Variants in MS4A3 observed in about 807,000 individuals in gnomAD.
MS4A3 encodes membrane-spanning 4-domains subfamily A member 3.
MS4A3 carries 18 observed loss-of-function variants against 24.7 expected under a neutral mutation model. The ratio of observed to expected loss-of-function variants is 0.73; its 90% CI spans 0.50 to 1.08. MS4A3 has a LOEUF of 1.08. Among genes scored for constraint, MS4A3 ranks in the 50% least tolerant of loss-of-function variants. The pLI, the probability that MS4A3 is intolerant of heterozygous loss-of-function variation, is 0.00. For missense variants in MS4A3, 282 were observed against 251.7 expected, an observed-to-expected ratio of 1.12 and a Z score of -0.82; for synonymous variants, 84 against 95.3, an observed-to-expected ratio of 0.88 and a Z score of 0.69.
Position 60,067,044 on chromosome 11 carries a change from T to G in MS4A3, c.445T>G (p.Ser149Ala). 3.7e-6 allele frequency: 6 copies of G among 1,613,410 alleles called. No individual in the cohort carries two copies. The highest frequency in any genetic ancestry group is 4.2e-6 in the Non-Finnish European group (5 of 1,179,702). ...ACTAAATATAGCAGTTAATATCCAGTCATTAAGGAGTTGTCACTCTTCATC... is the reference window on the plus strand; with the variant it reads ...ACTAAATATAGCAGTTAATATCCAGGCATTAAGGAGTTGTCACTCTTCATC... Reference protein sequence around the residue: ...LSLNIAVNIQSLRSCHSSSES... With the variant: ...LSLNIAVNIQALRSCHSSSES... Residue 149 changes from serine (S) to alanine (A), a missense_variant, in exon 5 of 7, where the codon TCA (serine) becomes GCA (alanine). Coordinates refer to ENST00000278865, the MANE Select transcript of MS4A3 (RefSeq NM_006138.5).
chr11:60,066,148 C>T (rs1357965657), intron 4 of MS4A3, among the ~76,000 whole-genome samples: 1 of 152,200 alleles, frequency 6.6e-6, no homozygotes, highest in Non-Finnish European at 1.5e-5. Context: ...TATTTATCAG[C>T]AAATAATGTT....
At chr11:60,067,791 T>C (rs918688598) in intron 5 of MS4A3, among the ~76,000 whole-genome samples, 1 of 151,810 alleles carries the variant, frequency 6.6e-6, no homozygotes, top group South Asian at 2.1e-4. Flanking sequence ...CTCACGCCTG[T>C]AATCCCAGAA....
At chr11:60,060,283 A>G (rs1015953092) in intron 1 of MS4A3, among the ~76,000 whole-genome samples, 3 of 152,156 alleles carry the variant, frequency 2.0e-5, no homozygotes, top group Admixed American at 6.5e-5. Flanking sequence ...AATTATTCCC[A>G]TTTTTACAGA....
intron 5 of MS4A3, among the ~76,000 whole-genome samples, chr11:60,067,531 G>C (rs1458188305): frequency 6.6e-6 from 1 of 151,774 alleles, no homozygotes; most frequent in Non-Finnish European, 1.5e-5. Flanking sequence ...TTGAATCTTG[G>C]GTCTGTCGCC....
rs780015751 is a variant in MS4A3 at position 60,061,173 on chromosome 11, G to A, written c.13G>A (p.Glu5Lys). Residue 5 changes from glutamate (E) to lysine (K), a missense_variant, in exon 2 of 7, where the codon GAA (glutamate) becomes AAA (lysine). Transcript: ENST00000278865. MASH[E>K]VDNAELGSAS... is the part of the protein sequence containing the mutation. ...ATAAACAACCCCAATGGCCTCCCAC[G>A]AAGTTGATAATGCAGAGCTGGGGTC... is the stretch of plus-strand genomic sequence containing the variant. The A allele has an allele frequency of 2.5e-6, 4 of 1,586,538 alleles. No homozygotes were observed. The highest frequency in any genetic ancestry group is 2.3e-5 in the South Asian group (2 of 86,686).
At chr11:60,068,812 T>C (rs1426109318) in intron 5 of MS4A3, among the ~76,000 whole-genome samples, 1 of 152,156 alleles carries the variant, frequency 6.6e-6, no homozygotes, top group Non-Finnish European at 1.5e-5. Flanking sequence ...TATTAACATG[T>C]CATTTACATT....
At chr11:60,057,181 G>A (rs1855183929) in intron 1 of MS4A3, among the ~76,000 whole-genome samples, 1 of 152,184 alleles carries the variant, frequency 6.6e-6, no homozygotes, top group South Asian at 2.1e-4. Context: ...TGCTGGCTGT[G>A]TGGGCTTGGG....
At chr11:60,064,586 A>T (rs900744030) in intron 4 of MS4A3, among the ~76,000 whole-genome samples, 1 of 152,164 alleles carries the variant, frequency 6.6e-6, no homozygotes, top group Non-Finnish European at 1.5e-5. Flanking sequence ...AGTTTGACCA[A>T]TTCTAATTAT....
rs558019137 is a variant in MS4A3 at position 60,068,048 on chromosome 11, C to G, written c.513+936C>G. 6.1e-4 allele frequency among the ~76,000 whole-genome samples: 93 copies of G among 151,672 alleles called. 3 individuals are homozygous for G. In the South Asian group the frequency reaches 0.019, roughly 30 times the overall value. ...GCCTGGGCAAAAAGAGTGAAACTGT[C>G]TCAAAAAATAAAAAAATAAAAAAAT... On this transcript the variant is annotated intron_variant, in intron 5 of 6. Transcript: ENST00000278865.
intron 3 of MS4A3, among the ~76,000 whole-genome samples, chr11:60,063,128 C>T (rs1345367094): frequency 6.6e-6 from 1 of 152,158 alleles, no homozygotes. Flanking sequence ...AGAGAAACCA[C>T]ATTTGCCAAG....
chr11:60,064,806 T>C (rs1435866294), intron 4 of MS4A3, among the ~76,000 whole-genome samples: 1 of 152,184 alleles, frequency 6.6e-6, no homozygotes, highest in Admixed American at 6.5e-5. Context: ...CCCACTTCTG[T>C]CATCCTTACT....
chr11:60,057,549 C>T (rs776274242), intron 1 of MS4A3, among the ~76,000 whole-genome samples: 18 of 152,070 alleles, frequency 1.2e-4, no homozygotes, highest in Admixed American at 2.6e-4. Flanking sequence ...GGATTACAGG[C>T]GCGTGCTGTC....
At chr11:60,067,188 G>T in intron 5 of MS4A3, 76 bp downstream of exon 5, 3 of 1,070,164 alleles carry the variant, frequency 2.8e-6, no homozygotes, top group East Asian at 2.9e-5. Flanking sequence ...AATATATCAG[G>T]TACCAATGTG....
At chr11:60,063,999 C>A (rs191769578) in intron 3 of MS4A3, among the ~76,000 whole-genome samples, 1 of 151,526 alleles carries the variant, frequency 6.6e-6, no homozygotes, top group Non-Finnish European at 1.5e-5. Flanking sequence ...ACCACCTGTT[C>A]CCCAATAACG....
Position 60,056,743 on chromosome 11 carries a change from A to G in MS4A3, c.-16+3A>G, listed in dbSNP as rs771228152. On this transcript the variant is annotated splice_donor_region_variant and intron_variant, in intron 1 of 6. Coordinates refer to ENST00000278865, the MANE Select transcript of MS4A3 (RefSeq NM_006138.5). ...TGCCAAAGCCTGAAGCCTCCAAGGT[A>G]TAGATTCCCTCTCCATAGACATTCC... The G allele has an allele frequency of 8.5e-5, 13 of 152,192 alleles. No homozygotes were observed. The highest frequency in any genetic ancestry group is 2.0e-4 in the Admixed American group (3 of 15,272). The allele number at this position is 152,192 out of a possible 1,614,324, so 9.4% of individuals were successfully genotyped here.
At position 60,061,251 on chromosome 11, in the gene MS4A3, A is replaced by G. The variant is rs767677462; in HGVS notation, c.91A>G (p.Thr31Ala). 9.3e-6 allele frequency: 15 copies of G among 1,613,900 alleles called. No homozygotes were observed. The African/African-American group carries it at 1.7e-4, about 19-fold the overall frequency. The change falls in exon 2 of 7, where the codon ACT (threonine) becomes GCT (alanine). Residue 31 changes from threonine (T) to alanine (A), a missense_variant. By Grantham distance (58) the Thr-to-Ala change is moderately conservative. Transcript: ENST00000278865. Reference protein sequence around the residue: ...GSEAGPEELNTSVYQPIDGSP... With the variant: ...GSEAGPEELNASVYQPIDGSP... ...TGAGGCGGGACCAGAAGAGCTGAAT[A>G]CTTCTGTCTACCAGCCCATAGATGG...
Position 60,056,675 on chromosome 11 carries a change from T to G in MS4A3, c.-81T>G, listed in dbSNP as rs1855174233. Reference sequence around the variant, plus strand: ...AGATGCTGTAGTGATCTTTTCTGAGTGTCTCCTACTTGCGACAAGGTGGAC... The same window carrying G: ...AGATGCTGTAGTGATCTTTTCTGAGGGTCTCCTACTTGCGACAAGGTGGAC... On this transcript the variant is annotated 5_prime_UTR_variant, in exon 1 of 7. Transcript: ENST00000278865. 1 of 152,234 alleles carries G rather than the reference T, an allele frequency of 6.6e-6. No homozygotes were observed. Among genetic ancestry groups the G allele is most frequent in the South Asian group, 2.1e-4 (1 of 4,830 alleles). 9.4% of individuals were successfully genotyped at this position (152,234 alleles called of 1,614,324 possible).
Position 60,067,111 on chromosome 11 carries a change from AT to A in MS4A3, c.513del (p.Asn171LysfsTer8), listed in dbSNP as rs1379419556. ...TGCAATTACATGGGCTCCATATCAA[AT>A]GTATGTTTCTGAAAAATATGTATAA... ...DLCNYMGSIS[N>X]GMVSLLLILT... On this transcript the variant is annotated frameshift_variant and splice_region_variant, in exon 5 of 7. Transcript: ENST00000278865. LOFTEE classifies it high-confidence loss of function. 3.8e-6 allele frequency: 6 copies of A among 1,599,544 alleles called. No homozygotes were observed. The highest frequency in any genetic ancestry group is 3.4e-6 in the Non-Finnish European group (4 of 1,175,604).
chr11:60,069,457 G>T (rs926361061), intron 5 of MS4A3, 117 bp from the exon 6 acceptor site: 2 of 680,540 alleles, frequency 2.9e-6, no homozygotes, highest in Non-Finnish European at 5.3e-6. Flanking sequence ...TTAATTTATG[G>T]TTCACTTTGT....
Sources: gnomAD v4.1 joint callset for allele counts (sites outside exome capture counted in the v4.1 genomes callset) on GRCh38, gnomAD v4.1.1 for gene constraint, MANE v1.5 for transcripts, NCBI Gene and HGNC (gene_info 2026-07-23, HGNC 2026-07-21) for gene names.